The following COL15A1 variants were observed in gnomAD, a reference collection of about 807,000 sequenced individuals.
The protein encoded by COL15A1 is collagen type XV alpha 1 chain, also known as collagen alpha-1(XV) chain.
Under a neutral mutation model 165.9 loss-of-function variants are expected in COL15A1, and 111 were observed. The observed-to-expected ratio is 0.67, with a 90% confidence interval of 0.57 to 0.78. COL15A1 has a LOEUF of 0.78. COL15A1 is among the 30% of genes least tolerant of loss of function. The pLI, the probability that COL15A1 is intolerant of heterozygous loss-of-function variation, is 0.00. For synonymous variants in COL15A1, 659 were observed against 674.8 expected (o/e 0.98, Z 0.36); for missense variants, 1,745 against 1,789.7 (o/e 0.98, Z 0.45).
chr9:99,009,186 T>G (rs1325487037), intron 9 of COL15A1, among the ~76,000 whole-genome samples: 3 of 152,178 alleles, frequency 2.0e-5, no homozygotes, highest in Admixed American at 2.0e-4. Context: ...TAAAACCACC[T>G]TTTGAAAGGG....
chr9:99,054,928 G>A (rs1164232778), intron 32 of COL15A1, among the ~76,000 whole-genome samples, 174 bp from the exon 33 acceptor site: 1 of 152,178 alleles, frequency 6.6e-6, no homozygotes, highest in Non-Finnish European at 1.5e-5. Context: ...ACAGTGTCTG[G>A]GTTGATGGGC....
At chr9:98,981,019 G>T (rs1838229205) in intron 2 of COL15A1, among the ~76,000 whole-genome samples, 1 of 152,170 alleles carries the variant, frequency 6.6e-6, no homozygotes, top group African/African-American at 2.4e-5. Context: ...GGAATTACCT[G>T]CACAGGTAAG....
intron 9 of COL15A1, among the ~76,000 whole-genome samples, chr9:99,006,073 A>C (rs1838757636): frequency 6.6e-6 from 1 of 151,944 alleles, no homozygotes; most frequent in African/African-American, 2.4e-5. Flanking sequence ...CATGCCTCAT[A>C]CCCTCTTCTC....
In COL15A1 at chr9:99,054,341, C is replaced by T. The variant is rs147713547; in HGVS notation, c.2951-235C>T. Among the ~76,000 whole-genome samples the T allele has an allele frequency of 1.3e-3, 197 of 152,290 alleles. 1 individual carries two copies. Among genetic ancestry groups the T allele is most frequent in the African/African-American group, 4.6e-3 (191 of 41,564 alleles). ...AGAGCACATATTTCATCTTGCCTTG[C>T]GTTACTGTGAGCTCTGTCTGTCTCC... On this transcript the variant is annotated intron_variant, in intron 31 of 41. Transcript: ENST00000375001.
rs766382027 is a variant in COL15A1, at chr9:99,003,578, G to A, written c.1191G>A (p.Gly397=). The A allele has an allele frequency of 6.6e-7, 1 of 1,522,562 alleles. No individual in the cohort carries two copies. The highest frequency in any genetic ancestry group is 1.3e-5 in the South Asian group (1 of 76,988). The allele number at this position is 1,522,562 out of a possible 1,614,324, so 94.3% of individuals were successfully genotyped here. The change falls in exon 8 of 42, where the codon GGG becomes GGA. Residue 397 remains glycine (G), a synonymous_variant. Transcript: ENST00000375001. ...TGTCCACGGAGAACCCAGAGGAAGG[G>A]GTCACTCCAGTAAGTAGCTCAGAGC... The part of the protein sequence containing the change: ...LSMSTENPEE[G]VTPGPDNEER...
intron 17 of COL15A1, 114 bp downstream of exon 17, chr9:99,034,698 G>A: frequency 7.0e-7 from 1 of 1,434,210 alleles, no homozygotes. Flanking sequence ...TAAATGTCAT[G>A]GAACAGAGAG....
At chr9:99,050,859 C>T (rs1184458652) in intron 30 of COL15A1, among the ~76,000 whole-genome samples, 2 of 152,168 alleles carry the variant, frequency 1.3e-5, no homozygotes, top group South Asian at 2.1e-4. Context: ...AGTTTGGCCG[C>T]GTATTTGCCC....
intron 24 of COL15A1, 120 bp from the exon 25 acceptor site, chr9:99,044,448 A>G (rs1033474485): frequency 2.3e-6 from 2 of 860,624 alleles, no homozygotes. Context: ...GAAATAAATC[A>G]TGGCTGCAGG....
At chr9:99,032,030 G>A (rs988197862) in intron 16 of COL15A1, among the ~76,000 whole-genome samples, 4 of 151,906 alleles carry the variant, frequency 2.6e-5, no homozygotes, top group African/African-American at 7.3e-5. Context: ...TCCAACATCC[G>A]GTGTTGTCAG....
intron 5 of COL15A1, among the ~76,000 whole-genome samples, chr9:98,996,455 A>G (rs2118923613): frequency 6.6e-6 from 1 of 152,210 alleles, no homozygotes; most frequent in East Asian, 1.9e-4. Context: ...CTGGCTTTGG[A>G]AAAGCTATAT....
intron 30 of COL15A1, among the ~76,000 whole-genome samples, chr9:99,050,717 A>C (rs1839574106): frequency 6.6e-6 from 1 of 152,238 alleles, no homozygotes; most frequent in Admixed American, 6.5e-5. Context: ...CACAACGGTG[A>C]ACTAGACGGA....
chr9:99,066,599 G>GTTTTTTTTTTTGTTTTTTTTTT (rs1825895496), intron 39 of COL15A1, among the ~76,000 whole-genome samples: 1 of 71,038 alleles, frequency 1.4e-5, no homozygotes, highest in Admixed American at 1.6e-4. Flanking sequence ...ATTTTGTTCT[G>GTTTTTTTTTTTGTTTTTTTTTT]TTTTTTTTTT....
intron 7 of COL15A1, among the ~76,000 whole-genome samples, chr9:99,002,233 T>G (rs1838671486): frequency 1.4e-5 from 2 of 138,034 alleles, no homozygotes. Flanking sequence ...CCCCCTCCTC[T>G]CCTCTCCCCT....
At position 98,985,759 on chromosome 9, in the gene COL15A1, C is replaced by T; in HGVS notation, c.295C>T (p.Pro99Ser). ...RDFAISVVVK[P>S]SSTRGGVLFA... ...CTTCGCCATCAGCGTCGTGGTGAAG[C>T]CCAGCAGCACCCGTGGTGGCGTGCT... Residue 99 changes from proline to serine, a missense_variant, in exon 3 of 42, where the codon CCC (proline) becomes TCC (serine). Physicochemically the swap from Pro to Ser is moderately conservative, Grantham distance 74. Transcript: ENST00000375001. The T allele has an allele frequency of 1.9e-6, 3 of 1,614,118 alleles. No homozygotes were observed. The highest frequency in any genetic ancestry group is 1.7e-6 in the Non-Finnish European group (2 of 1,180,030).
At chr9:99,015,922 T>C in intron 10 of COL15A1, 54 bp from the exon 11 acceptor site, 3 of 1,591,136 alleles carry the variant, frequency 1.9e-6, no homozygotes, top group Non-Finnish European at 1.7e-6. Context: ...TACAACTCCC[T>C]GGCAGCCTCA....
intron 2 of COL15A1, among the ~76,000 whole-genome samples, chr9:98,984,530 G>C (rs1363038329): frequency 7.9e-5 from 12 of 152,148 alleles, no homozygotes. Context: ...AGTAAGATGG[G>C]GATAAGAGTA....
chr9:98,965,953 T>G (rs1719077927), intron 2 of COL15A1, among the ~76,000 whole-genome samples: 2 of 151,830 alleles, frequency 1.3e-5, no homozygotes, highest in South Asian at 4.2e-4. Context: ...GTCCTTTTTT[T>G]CCAGGGGACC....
intron 2 of COL15A1, among the ~76,000 whole-genome samples, chr9:98,963,283 C>CG (rs1371420451): frequency 6.6e-6 from 1 of 152,034 alleles, no homozygotes; most frequent in Admixed American, 6.6e-5. Context: ...GCAAGTCCCC[C>CG]CAAACACCTT....
chr9:99,009,041 G>A (rs1233893756), intron 9 of COL15A1, among the ~76,000 whole-genome samples: 1 of 152,234 alleles, frequency 6.6e-6, no homozygotes, highest in African/African-American at 2.4e-5. Flanking sequence ...AAAGTCCACA[G>A]TTAACTCCTG....
Sources: gnomAD v4.1 joint callset for allele counts (sites outside exome capture counted in the v4.1 genomes callset) on GRCh38, gnomAD v4.1.1 for gene constraint, MANE v1.5 for transcripts, NCBI Gene and HGNC (gene_info 2026-07-23, HGNC 2026-07-21) for gene names.